The following CRTC3 variants were observed in gnomAD, a reference collection of about 807,000 sequenced individuals.
CRTC3 encodes CREB-regulated transcription coactivator 3.
CRTC3 carries 26 observed loss-of-function variants against 74.5 expected under a neutral mutation model. The observed-to-expected ratio is 0.35, with a 90% CI of 0.26 to 0.48. The LOEUF is 0.48. Ranked by LOEUF, CRTC3 falls within the 20% of genes least tolerant of loss-of-function variation. The probability of loss-of-function intolerance (pLI) is 0.99; values close to 1 mark genes in which losing one functional copy is unlikely to be tolerated. For missense variants in CRTC3, 760 were observed against 787.3 expected (o/e 0.97, Z 0.41); for synonymous variants, 377 against 325.8 (o/e 1.16, Z -1.69).
intron 10 of CRTC3, 81 bp downstream of exon 10, chr15:90,626,074 TGAATGA>T: frequency 1.0e-6 from 1 of 993,672 alleles, no homozygotes; most frequent in South Asian, 1.3e-5. Context: ...AGTGAATCAT[TGAATGA>T]GAATGACTGC....
intron 2 of CRTC3, among the ~76,000 whole-genome samples, chr15:90,553,049 T>G (rs1266194335): frequency 6.6e-6 from 1 of 152,212 alleles, no homozygotes; most frequent in Non-Finnish European, 1.5e-5. Flanking sequence ...GACCTTGGGC[T>G]TCTGCATGAG....
intron 1 of CRTC3, among the ~76,000 whole-genome samples, chr15:90,538,760 A>G (rs1966758609): frequency 7.1e-6 from 1 of 140,156 alleles, no homozygotes; most frequent in African/African-American, 2.7e-5. Flanking sequence ...GCTTTTGGTA[A>G]ACCAAACTTC....
At chr15:90,618,206 T>TAA (rs11372294) in intron 8 of CRTC3, 89,511 of 161,282 alleles carry the variant, frequency 0.55, 25,186 homozygotes, top group South Asian at 0.69. Flanking sequence ...TTGACTTATT[T>TAA]AAAAAAAAAA....
At chr15:90,558,651 C>T (rs1966946016) in intron 2 of CRTC3, among the ~76,000 whole-genome samples, 1 of 152,036 alleles carries the variant, frequency 6.6e-6, no homozygotes, top group Non-Finnish European at 1.5e-5. Context: ...TCAGGGAGGC[C>T]TTGCCTCTCT....
chr15:90,549,472 C>T (rs76165895), intron 2 of CRTC3, among the ~76,000 whole-genome samples: 19,239 of 151,962 alleles, frequency 0.13, 1,652 homozygotes, highest in African/African-American at 0.25. Flanking sequence ...TTTTTAATAA[C>T]TATTAGATAT....
intron 8 of CRTC3, among the ~76,000 whole-genome samples, chr15:90,619,532 A>G (rs997194436): frequency 6.6e-5 from 10 of 152,222 alleles, no homozygotes; most frequent in Non-Finnish European, 1.3e-4. Context: ...AATTAGGAAA[A>G]TGTATTAATA....
chr15:90,590,597 C>G (rs564299339), intron 2 of CRTC3, among the ~76,000 whole-genome samples: 2 of 152,090 alleles, frequency 1.3e-5, no homozygotes, highest in Non-Finnish European at 2.9e-5. Flanking sequence ...TGACCTCAGA[C>G]GATCCACCTG....
rs553335411 is a variant in CRTC3, at chr15:90,637,145, G to C, written c.1267-1301G>C. On this transcript the variant is annotated intron_variant, in intron 11 of 14. Transcript: ENST00000268184. Reference sequence around the variant, plus strand: ...CACTATTCACAATAGCAAAGACTTGGAACCAAGCCAGATGTCCAACAACGA... The same window carrying C: ...CACTATTCACAATAGCAAAGACTTGCAACCAAGCCAGATGTCCAACAACGA... Among the ~76,000 whole-genome samples the C allele has an allele frequency of 2.6e-5, 4 of 152,328 alleles. No individual in the cohort carries two copies. The South Asian group carries it at 8.3e-4, about 32-fold the overall frequency.
At chr15:90,583,373 G>A (rs1468316706) in intron 2 of CRTC3, among the ~76,000 whole-genome samples, 1 of 152,158 alleles carries the variant, frequency 6.6e-6, no homozygotes, top group Admixed American at 6.5e-5. Flanking sequence ...ATGGTGATAG[G>A]CCAGGTCCTA....
rs1384728545 is a variant in CRTC3 at position 90,608,874 on chromosome 15, G to T, written c.577+1396G>T. Among the ~76,000 whole-genome samples, 3 of 152,180 alleles carry T rather than the reference G, an allele frequency of 2.0e-5. No individual in the cohort carries two copies. The East Asian group carries it at 5.8e-4, about 29-fold the overall frequency. Reference sequence around the variant, plus strand: ...CACATTTCAAGCCTACCTTTCTGGGGTTTATAATCTAGAAAGAACAATGGT... The same window carrying T: ...CACATTTCAAGCCTACCTTTCTGGGTTTTATAATCTAGAAAGAACAATGGT... On this transcript the variant is annotated intron_variant, in intron 6 of 14. Transcript: ENST00000268184.
Position 90,642,354 on chromosome 15 carries a change from C to G in CRTC3, c.*214C>G. 1.8e-6 allele frequency: 1 copy of G among 570,834 alleles called. No homozygotes were observed. The highest frequency in any genetic ancestry group is 3.1e-6 in the Non-Finnish European group (1 of 319,086). 35.4% of individuals were successfully genotyped at this position (570,834 alleles called of 1,614,324 possible). On this transcript the variant is annotated 3_prime_UTR_variant, in exon 15 of 15. Transcript: ENST00000268184. ...TGCCTCTCCCGCCTGTGGCCAAAGT[C>G]GTGTTGCAGCAGGCAGGCTGCTTGG...
At chr15:90,622,210 G>T (rs1013059360) in intron 9 of CRTC3, among the ~76,000 whole-genome samples, 1 of 152,076 alleles carries the variant, frequency 6.6e-6, no homozygotes, top group Non-Finnish European at 1.5e-5. Flanking sequence ...GTCTTGAACC[G>T]GGGGGCGCAT....
chr15:90,636,758 C>G (rs1478028501), intron 11 of CRTC3, among the ~76,000 whole-genome samples: 1 of 152,220 alleles, frequency 6.6e-6, no homozygotes, highest in Admixed American at 6.5e-5. Context: ...TGAACAGACA[C>G]TCTTCAAAAG....
chr15:90,622,824 C>A (rs1159934395), intron 9 of CRTC3, among the ~76,000 whole-genome samples: 1 of 152,178 alleles, frequency 6.6e-6, no homozygotes, highest in Non-Finnish European at 1.5e-5. Context: ...GCACTCCAGC[C>A]TGGGCGACAG....
intron 14 of CRTC3, 72 bp downstream of exon 14, chr15:90,641,271 T>A (rs769707027): frequency 8.0e-5 from 84 of 1,049,298 alleles, no homozygotes; most frequent in Non-Finnish European, 1.2e-4. Flanking sequence ...CATAAGAGAG[T>A]TTAAACAACA....
At chr15:90,618,206 T>TAAAA (rs11372294) in intron 8 of CRTC3, 111 of 161,652 alleles carry the variant, frequency 6.9e-4, no homozygotes, top group East Asian at 2.5e-3. Flanking sequence ...TTGACTTATT[T>TAAAA]AAAAAAAAAA....
chr15:90,626,988 C>T (rs1968859896), intron 10 of CRTC3, among the ~76,000 whole-genome samples: 1 of 152,174 alleles, frequency 6.6e-6, no homozygotes, highest in African/African-American at 2.4e-5. Flanking sequence ...CCGTAACAGT[C>T]CTACCCAGAA....
At chr15:90,638,333 A>C in intron 11 of CRTC3, 113 bp from the exon 12 acceptor site, 2 of 851,718 alleles carry the variant, frequency 2.3e-6, no homozygotes, top group South Asian at 3.1e-5. Context: ...TGCACAGAAC[A>C]CCGCGGTGAG....
At chr15:90,604,341 G>A (rs952192411) in intron 4 of CRTC3, 44 bp from the exon 5 acceptor site, 2 of 1,518,958 alleles carry the variant, frequency 1.3e-6, no homozygotes, top group African/African-American at 2.7e-5. Context: ...TTTGCTGTCT[G>A]TGGATTGACT....
Sources: gnomAD v4.1 joint callset for allele counts (sites outside exome capture counted in the v4.1 genomes callset) on GRCh38, gnomAD v4.1.1 for gene constraint, MANE v1.5 for transcripts, NCBI Gene and HGNC (gene_info 2026-07-23, HGNC 2026-07-21) for gene names.